GNA14: variants seen among roughly 807,000 people sequenced by gnomAD.
GNA14 encodes the protein guanine nucleotide-binding protein subunit alpha-14.
GNA14 carries 50 observed loss-of-function variants against 42.0 expected under a neutral mutation model. The observed-to-expected ratio is 1.19, with a 90% CI of 0.95 to 1.51. GNA14 has a LOEUF of 1.51. GNA14 is among the 40% of genes most tolerant of loss of function. The pLI is 0.00. For synonymous variants in GNA14, 173 were observed against 163.1 expected (o/e 1.06, Z -0.46); for missense variants, 473 against 446.2 (o/e 1.06, Z -0.54).
chr9:77,428,071 C>CT (rs1182913068), intron 5 of GNA14, among the ~76,000 whole-genome samples: 2,763 of 130,354 alleles, frequency 0.021, 162 homozygotes, highest in African/African-American at 0.067. Context: ...GGCATTTTTT[C>CT]TTTTTTTTTT....
intron 1 of GNA14, among the ~76,000 whole-genome samples, chr9:77,536,919 T>C (rs1174830198): frequency 1.3e-5 from 2 of 152,196 alleles, no homozygotes; most frequent in Non-Finnish European, 2.9e-5. Context: ...CTATTTGCCA[T>C]ATGTGCATTT....
At chr9:77,535,208 C>A (rs80116212) in intron 1 of GNA14, among the ~76,000 whole-genome samples, 1,564 of 152,276 alleles carry the variant, frequency 0.01, 27 homozygotes, top group African/African-American at 0.036. Context: ...GGAGTTTCTG[C>A]ACCTGTGTGT....
intron 2 of GNA14, among the ~76,000 whole-genome samples, chr9:77,520,354 G>C (rs1164963520): frequency 1.3e-5 from 2 of 152,182 alleles, no homozygotes; most frequent in Admixed American, 1.3e-4. Context: ...AAGAAGAACA[G>C]CACAGACACA....
At chr9:77,580,887 T>G (rs1251249616) in intron 1 of GNA14, among the ~76,000 whole-genome samples, 1 of 152,040 alleles carries the variant, frequency 6.6e-6, no homozygotes, top group South Asian at 2.1e-4. Context: ...AGGTAATCTT[T>G]TAAAAGAATC....
At chr9:77,429,163 G>C in intron 4 of GNA14, 127 bp from the exon 5 acceptor site, 1 of 864,524 alleles carries the variant, frequency 1.2e-6, no homozygotes, top group Non-Finnish European at 1.8e-6. Flanking sequence ...GAGAAAAGAG[G>C]TTCTAAGTTT....
intron 2 of GNA14, among the ~76,000 whole-genome samples, chr9:77,471,066 T>C (rs1440922982): frequency 1.3e-5 from 2 of 151,994 alleles, no homozygotes; most frequent in Non-Finnish European, 2.9e-5. Flanking sequence ...AAGAGAGCAA[T>C]AGGATGAATG....
At chr9:77,583,828 CA>C (rs565896439) in intron 1 of GNA14, among the ~76,000 whole-genome samples, 7 of 152,172 alleles carry the variant, frequency 4.6e-5, no homozygotes, top group South Asian at 2.1e-4. Flanking sequence ...AACACACCCC[CA>C]GCCAAAGCCA....
intron 1 of GNA14, among the ~76,000 whole-genome samples, chr9:77,553,689 T>C (rs914988172): frequency 6.6e-6 from 1 of 152,062 alleles, no homozygotes; most frequent in Non-Finnish European, 1.5e-5. Context: ...TCCCACTTAT[T>C]TGTGTGCACA....
intron 2 of GNA14, among the ~76,000 whole-genome samples, chr9:77,477,892 A>C (rs1323300444): frequency 6.6e-6 from 1 of 152,176 alleles, no homozygotes; most frequent in Non-Finnish European, 1.5e-5. Flanking sequence ...CTTCAACAGA[A>C]TAAAAAGAGA....
chr9:77,500,498 A>G (rs777118543), intron 2 of GNA14, among the ~76,000 whole-genome samples: 4 of 152,236 alleles, frequency 2.6e-5, no homozygotes, highest in Non-Finnish European at 5.9e-5. Flanking sequence ...CTACATTACA[A>G]CATCAAAACC....
chr9:77,479,582 G>A (rs1178938024), intron 2 of GNA14, among the ~76,000 whole-genome samples: 1 of 152,136 alleles, frequency 6.6e-6, no homozygotes, highest in Non-Finnish European at 1.5e-5. Flanking sequence ...AGCTTGATGG[G>A]GATGGCATTG....
chr9:77,433,921 G>T (rs1022204019), intron 3 of GNA14, among the ~76,000 whole-genome samples: 1 of 152,166 alleles, frequency 6.6e-6, no homozygotes, highest in East Asian at 1.9e-4. Flanking sequence ...CTCTAAACTT[G>T]ACTTTAGATT....
chr9:77,550,610 C>A (rs1267982801), intron 1 of GNA14, among the ~76,000 whole-genome samples: 2 of 152,186 alleles, frequency 1.3e-5, no homozygotes, highest in African/African-American at 4.8e-5. Context: ...AAGTTAGGAG[C>A]TACAGCATGA....
chr9:77,600,368 C>A (rs1381821811), intron 1 of GNA14, among the ~76,000 whole-genome samples: 1 of 152,106 alleles, frequency 6.6e-6, no homozygotes, highest in Non-Finnish European at 1.5e-5. Context: ...TTTTTTAAAC[C>A]ATTTTTTCTT....
chr9:77,450,854 G>C (rs1458915679), intron 2 of GNA14, among the ~76,000 whole-genome samples: 1 of 151,876 alleles, frequency 6.6e-6, no homozygotes, highest in Non-Finnish European at 1.5e-5. Flanking sequence ...TCTTGATAGT[G>C]AATAAGGCTC....
At chr9:77,591,618 A>G (rs1329522455) in intron 1 of GNA14, among the ~76,000 whole-genome samples, 1 of 152,230 alleles carries the variant, frequency 6.6e-6, no homozygotes, top group Non-Finnish European at 1.5e-5. Context: ...TAGTTTATGG[A>G]AAACATTCAG....
intron 2 of GNA14, among the ~76,000 whole-genome samples, chr9:77,446,411 G>A (rs980473555): frequency 1.3e-5 from 2 of 152,188 alleles, no homozygotes; most frequent in African/African-American, 2.4e-5. Flanking sequence ...GGATGGCCGC[G>A]GGTCCAGTAC....
intron 2 of GNA14, among the ~76,000 whole-genome samples, chr9:77,451,135 G>A (rs547165585): frequency 6.6e-6 from 1 of 152,214 alleles, no homozygotes; most frequent in South Asian, 2.1e-4. Flanking sequence ...ACATACGTGT[G>A]TCAGACTAGC....
At chr9:77,611,700 G>GA (rs1037768575) in intron 1 of GNA14, among the ~76,000 whole-genome samples, 3 of 152,250 alleles carry the variant, frequency 2.0e-5, no homozygotes, top group African/African-American at 7.2e-5. Flanking sequence ...CAGAGAAAAA[G>GA]AAAGAAGCAA....
Sources: gnomAD v4.1 joint callset for allele counts (sites outside exome capture counted in the v4.1 genomes callset) on GRCh38, gnomAD v4.1.1 for gene constraint, MANE v1.5 for transcripts, NCBI Gene and HGNC (gene_info 2026-07-23, HGNC 2026-07-21) for gene names.